The following RLN2 variants were observed in gnomAD, a reference collection of about 807,000 sequenced individuals.
RLN2 encodes relaxin 2.
Under a neutral mutation model 7.3 loss-of-function variants are expected in RLN2, and 10 were observed. The ratio of observed to expected loss-of-function variants is 1.36; its 90% CI spans 0.84 to 2.31. The LOEUF (loss-of-function observed/expected upper bound fraction) is 2.31, where lower values mean the gene tolerates loss of function less well. RLN2 is among the 30% of genes most tolerant of loss of function. The probability of loss-of-function intolerance (pLI) is 0.00; values close to 1 mark genes in which losing one functional copy is unlikely to be tolerated. For missense variants in RLN2, 298 were observed against 217.6 expected (o/e 1.37, Z -2.32); for synonymous variants, 103 against 82.3 (o/e 1.25, Z -1.36).
the RLN2 span, among the ~76,000 whole-genome samples, chr9:5,332,197 G>T: frequency 6.6e-6 from 1 of 152,106 alleles, no homozygotes; most frequent in East Asian, 1.9e-4. Context: ...ACTCACAGTG[G>T]TGTGCAGGTG....
chr9:5,307,304 GATAGATGA>G (rs1000596827), upstream of RLN2, among the ~76,000 whole-genome samples: 3 of 142,504 alleles, frequency 2.1e-5, no homozygotes, highest in Non-Finnish European at 4.6e-5. Flanking sequence ...TAGATAGATA[GATAGATGA>G]TAGATAGATA....
chr9:5,323,862 C>T, the RLN2 span, among the ~76,000 whole-genome samples: 19 of 151,876 alleles, frequency 1.3e-4, no homozygotes, highest in Admixed American at 1.1e-3. Context: ...ACCTGGCCAA[C>T]ATGGCTAAAC....
At chr9:5,312,671 A>G in the RLN2 span, among the ~76,000 whole-genome samples, 1 of 151,788 alleles carries the variant, frequency 6.6e-6, no homozygotes, top group African/African-American at 2.4e-5. Context: ...CTGAAATACC[A>G]TGATTGTTTA....
At chr9:5,331,155 A>T in the RLN2 span, among the ~76,000 whole-genome samples, 1 of 152,042 alleles carries the variant, frequency 6.6e-6, no homozygotes, top group African/African-American at 2.4e-5. Flanking sequence ...TCACAGCCAA[A>T]TTCTACCAGA....
the RLN2 span, among the ~76,000 whole-genome samples, chr9:5,322,505 G>C: frequency 1.3e-5 from 2 of 152,098 alleles, no homozygotes; most frequent in African/African-American, 2.4e-5. Flanking sequence ...AAGGAAAACA[G>C]AGAAGCAAGC....
At chr9:5,321,061 C>A in the RLN2 span, among the ~76,000 whole-genome samples, 2 of 152,100 alleles carry the variant, frequency 1.3e-5, no homozygotes. Context: ...ACAATAAAGG[C>A]AAACATAAGA....
At chr9:5,307,236 ATAGG>A (rs1409121105), upstream of RLN2, among the ~76,000 whole-genome samples, 1 of 151,512 alleles carries the variant, frequency 6.6e-6, no homozygotes, top group Non-Finnish European at 1.5e-5. Context: ...TAGATGATAG[ATAGG>A]TGATAGATAG....
chr9:5,314,358 A>ACG, the RLN2 span, among the ~76,000 whole-genome samples: 2 of 151,770 alleles, frequency 1.3e-5, no homozygotes, highest in East Asian at 3.9e-4. Flanking sequence ...CCACCCCTCC[A>ACG]AGTTGCTTTT....
At chr9:5,325,509 T>C in the RLN2 span, among the ~76,000 whole-genome samples, 2 of 152,164 alleles carry the variant, frequency 1.3e-5, no homozygotes, top group Middle Eastern at 3.4e-3. Context: ...GTAATTAAGA[T>C]TGTTAACCTC....
At chr9:5,335,497 C>G in the RLN2 span, 1 of 1,613,058 alleles carries the variant, frequency 6.2e-7, no homozygotes, top group African/African-American at 1.3e-5. Context: ...ATGGTTGCCT[C>G]TCAGATAGGG....
At chr9:5,322,843 A>G in the RLN2 span, among the ~76,000 whole-genome samples, 39,496 of 151,732 alleles carry the variant, frequency 0.26, 5,604 homozygotes, top group East Asian at 0.4. Flanking sequence ...GTAGCATTTT[A>G]CCACCAAGTA....
the RLN2 span, among the ~76,000 whole-genome samples, chr9:5,315,458 T>A: frequency 6.7e-6 from 1 of 150,126 alleles, no homozygotes; most frequent in African/African-American, 2.4e-5. Flanking sequence ...ATACGGGACA[T>A]CATTAAGCAA....
At chr9:5,334,354 T>A in the RLN2 span, among the ~76,000 whole-genome samples, 4 of 152,018 alleles carry the variant, frequency 2.6e-5, no homozygotes, top group Non-Finnish European at 5.9e-5. Context: ...AGACATTTGA[T>A]GGAGGAGATT....
chr9:5,312,780 T>C, the RLN2 span, among the ~76,000 whole-genome samples: 2 of 152,054 alleles, frequency 1.3e-5, no homozygotes, highest in Non-Finnish European at 2.9e-5. Flanking sequence ...TGTTTCTATT[T>C]TCATTTGTCT....
chr9:5,336,923 A>G, the RLN2 span, among the ~76,000 whole-genome samples: 29 of 152,126 alleles, frequency 1.9e-4, 1 homozygote, highest in East Asian at 3.5e-3. Context: ...GTTTTGTGGC[A>G]AAAGAATCAG....
At chr9:5,314,399 T>C in the RLN2 span, among the ~76,000 whole-genome samples, 1 of 151,882 alleles carries the variant, frequency 6.6e-6, no homozygotes, top group African/African-American at 2.4e-5. Flanking sequence ...TGAGCTGAAA[T>C]GGCACTCAGC....
At chr9:5,333,078 ACTT>A in the RLN2 span, among the ~76,000 whole-genome samples, 3 of 152,004 alleles carry the variant, frequency 2.0e-5, no homozygotes, top group Admixed American at 2.0e-4. Flanking sequence ...TATTGAGTAA[ACTT>A]CTATCCTGGA....
At chr9:5,320,946 A>C in the RLN2 span, among the ~76,000 whole-genome samples, 1 of 152,180 alleles carries the variant, frequency 6.6e-6, no homozygotes, top group South Asian at 2.1e-4. Flanking sequence ...GGAACAATTT[A>C]TCTCATCAAA....
At chr9:5,328,180 T>C in the RLN2 span, among the ~76,000 whole-genome samples, 2 of 151,870 alleles carry the variant, frequency 1.3e-5, no homozygotes, top group East Asian at 1.9e-4. Flanking sequence ...GTTAGACGAA[T>C]GGCTAACTAG....
Sources: allele counts gnomAD v4.1 joint callset (sites outside exome capture counted in the v4.1 genomes callset), GRCh38; gene constraint gnomAD v4.1.1; transcripts MANE v1.5; gene names NCBI Gene and HGNC (gene_info 2026-07-23, HGNC 2026-07-21).